Variants in AKT3 observed in about 807,000 individuals in gnomAD.
AKT3 encodes the protein RAC-gamma serine/threonine-protein kinase.
AKT3 carries 15 observed loss-of-function variants against 65.3 expected under a neutral mutation model. The observed-to-expected ratio is 0.23, with a 90% CI of 0.15 to 0.35. AKT3 has a LOEUF of 0.35. Among genes scored for constraint, AKT3 ranks in the 10% least tolerant of loss-of-function variants. The probability of loss-of-function intolerance (pLI) is 1.00; values close to 1 mark genes in which losing one functional copy is unlikely to be tolerated. For synonymous variants in AKT3, 206 were observed against 183.8 expected, an observed-to-expected ratio of 1.12 and a Z score of -0.98; for missense variants, 243 against 576.5, an observed-to-expected ratio of 0.42 and a Z score of 5.92.
chr1:243,803,806 A>G (rs960476229), intron 2 of AKT3, among the ~76,000 whole-genome samples: 1 of 152,208 alleles, frequency 6.6e-6, no homozygotes, highest in Non-Finnish European at 1.5e-5. Flanking sequence ...CAGACAATCA[A>G]GTTTGCCATC....
chr1:243,585,049 AG>A (rs1398220171), intron 8 of AKT3, among the ~76,000 whole-genome samples: 3 of 152,200 alleles, frequency 2.0e-5, no homozygotes, highest in African/African-American at 4.8e-5. Flanking sequence ...GATTTTTGCA[AG>A]GTTTCAGGAG....
In AKT3 at chr1:243,528,393, G is replaced by A. The variant is rs1253080904; in HGVS notation, c.1252-15967C>T. ...ATAGGAAAACTGCATATCATGGGGG[G>A]GTTTGGTGTACATGTCATTCCATCA... On this transcript the variant is annotated intron_variant, in intron 12 of 13. Coordinates refer to ENST00000673466, the MANE Select transcript of AKT3 (RefSeq NM_005465.7). Among the ~76,000 whole-genome samples the A allele has an allele frequency of 2.6e-5, 4 of 152,144 alleles. No homozygotes were observed. In the East Asian group the frequency reaches 7.7e-4, roughly 29 times the overall value.
chr1:243,792,348 G>A (rs1044433336), intron 2 of AKT3, among the ~76,000 whole-genome samples: 5 of 151,950 alleles, frequency 3.3e-5, no homozygotes, highest in African/African-American at 4.8e-5. Flanking sequence ...TCATGTGCCC[G>A]ACATTATAGA....
chr1:243,607,763 T>C (rs1330718535), intron 8 of AKT3, among the ~76,000 whole-genome samples: 1 of 152,162 alleles, frequency 6.6e-6, no homozygotes, highest in Admixed American at 6.5e-5. Context: ...CCAAATCTCA[T>C]CTTGAATTGT....
rs554240386 is a variant in AKT3 at position 243,551,237 on chromosome 1, T to C, written c.1163+1492A>G. On this transcript the variant is annotated intron_variant, in intron 11 of 13. Transcript: ENST00000673466. The stretch of plus-strand genomic sequence containing the variant: ...CTCTGGGCCTTTGTTTTCAACTCAA[T>C]GAAATGGAAATAAGAATAGTATCTC... Among the ~76,000 whole-genome samples, 51 of 152,090 alleles carry C rather than the reference T, an allele frequency of 3.4e-4. 2 individuals carry two copies. In the South Asian group the frequency reaches 0.01, roughly 31 times the overall value.
intron 9 of AKT3, among the ~76,000 whole-genome samples, chr1:243,570,994 G>T (rs12744297): frequency 2.0e-5 from 3 of 151,918 alleles, no homozygotes; most frequent in Non-Finnish European, 4.4e-5. Context: ...AGAAAGAATG[G>T]GGCAGTGGAA....
intron 2 of AKT3, among the ~76,000 whole-genome samples, chr1:243,745,964 G>C (rs890419679): frequency 6.6e-6 from 1 of 152,046 alleles, no homozygotes; most frequent in Admixed American, 6.5e-5. Flanking sequence ...AATGCATTCA[G>C]AACTTCAAAA....
At chr1:243,812,150 A>C (rs1693202995) in intron 2 of AKT3, among the ~76,000 whole-genome samples, 1 of 152,252 alleles carries the variant, frequency 6.6e-6, no homozygotes, top group Non-Finnish European at 1.5e-5. Flanking sequence ...AGCAATGGCA[A>C]CAAAAGCCAA....
At chr1:243,618,790 T>C (rs1211372289) in intron 6 of AKT3, among the ~76,000 whole-genome samples, 1 of 152,120 alleles carries the variant, frequency 6.6e-6, no homozygotes, top group Non-Finnish European at 1.5e-5. Context: ...CACCCTCTAT[T>C]ACACACGATC....
intron 3 of AKT3, among the ~76,000 whole-genome samples, chr1:243,691,294 T>A (rs1684675267): frequency 6.6e-6 from 1 of 151,934 alleles, no homozygotes; most frequent in African/African-American, 2.4e-5. Flanking sequence ...CCTGCAAGAG[T>A]TGAAAGTAGA....
chr1:243,773,968 C>G lies in AKT3; in HGVS notation c.46+69157G>C, dbSNP rs182348882. Among the ~76,000 whole-genome samples the G allele has an allele frequency of 1.3e-5, 2 of 152,070 alleles. 1 individual carries two copies. Among genetic ancestry groups the G allele is most frequent in the Admixed American group, 1.3e-4 (2 of 15,274 alleles). On this transcript the variant is annotated intron_variant, in intron 2 of 13. Coordinates refer to ENST00000673466, the MANE Select transcript of AKT3 (RefSeq NM_005465.7). ...TCATTTTTAAGATAACTTAACAAAG[C>G]CTACAGGTCTTGGAGATCTCTTTTG...
intron 3 of AKT3, among the ~76,000 whole-genome samples, chr1:243,673,620 T>TC (rs1683304130): frequency 6.7e-6 from 1 of 150,306 alleles, no homozygotes; most frequent in South Asian, 2.1e-4. Flanking sequence ...GATTTTTTTT[T>TC]TTTTTTTTTT....
intron 8 of AKT3, among the ~76,000 whole-genome samples, chr1:243,613,225 C>T (rs1442354356): frequency 6.7e-6 from 1 of 150,298 alleles, no homozygotes; most frequent in Non-Finnish European, 1.5e-5. Context: ...AGTCATAGTA[C>T]TCTACTATAA....
At chr1:243,810,717 C>A (rs1449914470) in intron 2 of AKT3, among the ~76,000 whole-genome samples, 3 of 152,064 alleles carry the variant, frequency 2.0e-5, no homozygotes, top group South Asian at 2.1e-4. Context: ...GGCAGAGACA[C>A]AACAAAAAAA....
intron 3 of AKT3, among the ~76,000 whole-genome samples, chr1:243,676,890 C>T (rs1016282866): frequency 1.3e-5 from 2 of 152,160 alleles, no homozygotes; most frequent in African/African-American, 4.8e-5. Flanking sequence ...ACCCTTCTCC[C>T]TAAGTTGTCC....
At chr1:243,656,712 G>T (rs1681826468) in intron 4 of AKT3, among the ~76,000 whole-genome samples, 1 of 152,194 alleles carries the variant, frequency 6.6e-6, no homozygotes, top group Non-Finnish European at 1.5e-5. Flanking sequence ...GGAGTTCAAT[G>T]TATCTGGAAC....
chr1:243,541,397 C>T (rs981236630), intron 12 of AKT3, among the ~76,000 whole-genome samples: 8 of 151,530 alleles, frequency 5.3e-5, no homozygotes, highest in East Asian at 3.8e-4. Context: ...CTACAGGACC[C>T]TTCAGCTTGG....
At chr1:243,763,209 T>G (rs929857455) in intron 2 of AKT3, among the ~76,000 whole-genome samples, 2 of 152,112 alleles carry the variant, frequency 1.3e-5, no homozygotes, top group Non-Finnish European at 2.9e-5. Flanking sequence ...TTTCTCAAGA[T>G]TCTAATAAGA....
Position 243,838,150 on chromosome 1 carries a change from C to T in AKT3, c.46+4975G>A, listed in dbSNP as rs546956870. Among the ~76,000 whole-genome samples the T allele has an allele frequency of 9.9e-5, 15 of 152,228 alleles. No homozygotes were observed. In the South Asian group the frequency reaches 2.9e-3, roughly 29 times the overall value. On this transcript the variant is annotated intron_variant, in intron 2 of 13. Coordinates refer to ENST00000673466, the MANE Select transcript of AKT3 (RefSeq NM_005465.7). ...ATATGAAAGCTTATTTGATGGTTTG[C>T]TCCATGTGGTTCTATTGGTTGAAAC...
Sources: gnomAD v4.1 joint callset for allele counts (sites outside exome capture counted in the v4.1 genomes callset) on GRCh38, gnomAD v4.1.1 for gene constraint, MANE v1.5 for transcripts, NCBI Gene and HGNC (gene_info 2026-07-23, HGNC 2026-07-21) for gene names.